PGM2: variants seen among roughly 807,000 people sequenced by gnomAD.
PGM2 encodes the protein phosphoglucomutase 2.
In PGM2, 57 loss-of-function variants were observed where a neutral mutation model predicts 74.6. The observed-to-expected ratio is 0.76, with a 90% CI of 0.62 to 0.95. PGM2 has a LOEUF of 0.95. Among genes scored for constraint, PGM2 ranks in the 40% least tolerant of loss-of-function variants. The pLI is 0.00. For missense variants in PGM2, 706 were observed against 741.9 expected (o/e 0.95, Z 0.56); for synonymous variants, 273 against 260.7 (o/e 1.05, Z -0.46).
At chr4:37,847,949 T>C (rs572390844) in intron 10 of PGM2, among the ~76,000 whole-genome samples, 13 of 152,254 alleles carry the variant, frequency 8.5e-5, no homozygotes, top group African/African-American at 3.1e-4. Context: ...ATGATTTAAC[T>C]AATCAAAGCA....
intron 13 of PGM2, among the ~76,000 whole-genome samples, chr4:37,861,152 C>T (rs752401328): frequency 1.2e-3 from 189 of 152,190 alleles, no homozygotes; most frequent in Middle Eastern, 6.8e-3. Flanking sequence ...GATTTAATGG[C>T]AACTGACATG....
At chr4:37,837,322 A>G (rs1440309787) in intron 3 of PGM2, among the ~76,000 whole-genome samples, 1 of 152,210 alleles carries the variant, frequency 6.6e-6, no homozygotes, top group Admixed American at 6.5e-5. Flanking sequence ...TGCCATTTCT[A>G]TAAAACAAAA....
rs1491511171 is a variant in PGM2, at chr4:37,841,190, T to TGTGTG, written c.719+931_719+932insGTGTG. ...TGTGTGTGTGTGTGTGTGTGTGTGG[T>TGTGTG]TTGTTCTGTGCACTTTTCCCCCCAA... is the stretch of plus-strand genomic sequence containing the variant. On this transcript the variant is annotated intron_variant, in intron 6 of 13. Coordinates refer to ENST00000381967, the MANE Select transcript of PGM2 (RefSeq NM_018290.4). Among the ~76,000 whole-genome samples, 248 of 83,354 alleles carry TGTGTG rather than the reference T, an allele frequency of 3.0e-3. 2 individuals carry two copies. The highest frequency in any genetic ancestry group is 0.023 in the Middle Eastern group (4 of 174). 54.7% of individuals were successfully genotyped at this position (83,354 alleles called of 152,430 possible).
intron 12 of PGM2, among the ~76,000 whole-genome samples, chr4:37,851,103 T>G (rs1274205393): frequency 6.6e-6 from 1 of 151,898 alleles, no homozygotes; most frequent in East Asian, 1.9e-4. Context: ...CAGAGCTTAG[T>G]TGGTGGTGGT....
intron 10 of PGM2, 177 bp downstream of exon 10, chr4:37,847,472 A>G (rs1003001991): frequency 1.2e-5 from 7 of 566,442 alleles, no homozygotes; most frequent in African/African-American, 9.4e-5. Context: ...GCCAAAAGGA[A>G]TGTCTTAAAA....
chr4:37,826,840 G>A lies in PGM2; in HGVS notation c.81+27G>A, dbSNP rs1215931874. On this transcript the variant is annotated intron_variant, in intron 1 of 13. Transcript: ENST00000381967. The stretch of plus-strand genomic sequence containing the variant: ...TGAGGGGCACCAGCAGGCGGGGAGC[G>A]CCTGGAGCGGGGCCGGGTGCTCTGC... 2.1e-6 allele frequency: 3 copies of A among 1,457,412 alleles called. No individual in the cohort carries two copies. In the African/African-American group the frequency reaches 4.2e-5, roughly 21 times the overall value. 90.3% of individuals were successfully genotyped at this position (1,457,412 alleles called of 1,614,324 possible).
intron 6 of PGM2, among the ~76,000 whole-genome samples, chr4:37,841,100 A>ATATATATGTGTGTGTG (rs1202149456): frequency 4.3e-5 from 5 of 115,786 alleles, no homozygotes; most frequent in African/African-American, 1.8e-4. Flanking sequence ...ATATATATAT[A>ATATATATGTGTGTGTG]TGTGTGTGTG....
At chr4:37,851,985 C>T (rs1726054007) in intron 12 of PGM2, among the ~76,000 whole-genome samples, 1 of 41,344 alleles carries the variant, frequency 2.4e-5, no homozygotes, top group African/African-American at 6.0e-5. Flanking sequence ...TTTTTGGAGA[C>T]AGGGTCTTGC....
intron 1 of PGM2, among the ~76,000 whole-genome samples, chr4:37,827,282 G>A (rs1725318186): frequency 6.6e-6 from 1 of 152,186 alleles, no homozygotes; most frequent in Non-Finnish European, 1.5e-5. Flanking sequence ...CCCATCCCGA[G>A]GGCTTGGTTA....
At chr4:37,836,496 T>G (rs1395306603) in intron 3 of PGM2, among the ~76,000 whole-genome samples, 1 of 152,210 alleles carries the variant, frequency 6.6e-6, no homozygotes, top group Non-Finnish European at 1.5e-5. Context: ...CAGTAACTGT[T>G]AAGTATATGC....
At chr4:37,838,266 C>G (rs1253610602) in intron 4 of PGM2, among the ~76,000 whole-genome samples, 1 of 152,202 alleles carries the variant, frequency 6.6e-6, no homozygotes, top group Non-Finnish European at 1.5e-5. Context: ...CTGAATTCAC[C>G]TCAAACCCTG....
At chr4:37,859,088 G>T (rs567517750) in intron 13 of PGM2, among the ~76,000 whole-genome samples, 2 of 152,270 alleles carry the variant, frequency 1.3e-5, no homozygotes, top group East Asian at 3.9e-4. Context: ...ACCACAGTTT[G>T]TTGACCCCAA....
chr4:37,827,612 C>T (rs1374521129), intron 1 of PGM2, among the ~76,000 whole-genome samples: 3 of 152,126 alleles, frequency 2.0e-5, no homozygotes, highest in Admixed American at 2.0e-4. Flanking sequence ...TCAGTCCTTC[C>T]TTGGCTCCGA....
intron 12 of PGM2, among the ~76,000 whole-genome samples, chr4:37,851,452 G>A (rs1351354291): frequency 6.6e-6 from 1 of 151,446 alleles, no homozygotes; most frequent in Non-Finnish European, 1.5e-5. Flanking sequence ...GACAAAAGAA[G>A]ACACAAAGGT....
At chr4:37,860,439 T>A (rs942877934) in intron 13 of PGM2, among the ~76,000 whole-genome samples, 1 of 152,198 alleles carries the variant, frequency 6.6e-6, no homozygotes, top group Non-Finnish European at 1.5e-5. Context: ...GAAGATAAAG[T>A]CTTTATCCCA....
chr4:37,829,847 C>A, intron 1 of PGM2, 117 bp from the exon 2 acceptor site: 1 of 303,732 alleles, frequency 3.3e-6, no homozygotes, highest in Non-Finnish European at 5.8e-6. Context: ...GAAAGGTCTA[C>A]ATATATATAT....
chr4:37,855,293 C>T (rs766964625), intron 12 of PGM2, among the ~76,000 whole-genome samples: 2 of 152,060 alleles, frequency 1.3e-5, no homozygotes, highest in South Asian at 2.1e-4. Flanking sequence ...TGAGATCATG[C>T]GGTATTTGTC....
chr4:37,837,466 T>G, intron 3 of PGM2, 63 bp from the exon 4 acceptor site: 13 of 926,130 alleles, frequency 1.4e-5, no homozygotes, highest in Non-Finnish European at 2.4e-5. Flanking sequence ...TTTCCTTCTT[T>G]CCATCACTCA....
At chr4:37,840,764 T>C (rs1725686744) in intron 6 of PGM2, among the ~76,000 whole-genome samples, 1 of 152,150 alleles carries the variant, frequency 6.6e-6, no homozygotes, top group African/African-American at 2.4e-5. Flanking sequence ...TATTTTTGGC[T>C]TTGAGGTCCA....
Sources: allele counts gnomAD v4.1 joint callset (sites outside exome capture counted in the v4.1 genomes callset), GRCh38; gene constraint gnomAD v4.1.1; transcripts MANE v1.5; gene names NCBI Gene and HGNC (gene_info 2026-07-23, HGNC 2026-07-21).